The following LRP1B variants were observed in gnomAD, a reference collection of about 807,000 sequenced individuals.
The protein encoded by LRP1B is LDL receptor related protein 1B.
A neutral mutation model predicts 556.6 loss-of-function variants in LRP1B; 217 were observed. The observed-to-expected ratio is 0.39, with a 90% CI of 0.35 to 0.44. The LOEUF (loss-of-function observed/expected upper bound fraction) is 0.44, where lower values mean the gene tolerates loss of function less well. LRP1B is among the 20% of genes least tolerant of loss of function. LRP1B has a pLI of 1.00. For missense variants in LRP1B, 5,053 were observed against 5,620.8 expected (o/e 0.90, Z 3.23); for synonymous variants, 2,047 against 1,865.8 (o/e 1.10, Z -2.50).
At chr2:140,305,345 G>A (rs1370034051) in intron 83 of LRP1B, among the ~76,000 whole-genome samples, 1 of 152,098 alleles carries the variant, frequency 6.6e-6, no homozygotes, top group Non-Finnish European at 1.5e-5. Context: ...GCAGTGGTTT[G>A]TATTTCTCCT....
intron 3 of LRP1B, among the ~76,000 whole-genome samples, chr2:141,450,142 G>A (rs1300726491): frequency 6.6e-6 from 1 of 152,050 alleles, no homozygotes; most frequent in East Asian, 1.9e-4. Flanking sequence ...AGAGAGGGAG[G>A]GAGAAAGAGA....
At chr2:140,960,710 T>C (rs948933692) in intron 18 of LRP1B, among the ~76,000 whole-genome samples, 1 of 151,906 alleles carries the variant, frequency 6.6e-6, no homozygotes, top group African/African-American at 2.4e-5. Flanking sequence ...ACTTTGTCCT[T>C]ATTTGTGAGC....
At chr2:141,938,416 AC>A (rs983719547) in intron 1 of LRP1B, among the ~76,000 whole-genome samples, 1 of 152,164 alleles carries the variant, frequency 6.6e-6, no homozygotes, top group Admixed American at 6.5e-5. Flanking sequence ...GGTTAGGATG[AC>A]CATGATAAAG....
At chr2:141,638,108 G>C (rs781059782) in intron 2 of LRP1B, among the ~76,000 whole-genome samples, 4 of 152,010 alleles carry the variant, frequency 2.6e-5, no homozygotes, top group African/African-American at 9.7e-5. Context: ...CTGAGGTAGA[G>C]GGATCTCCCA....
chr2:140,640,368 C>T (rs1203184822), intron 41 of LRP1B, among the ~76,000 whole-genome samples: 1 of 144,480 alleles, frequency 6.9e-6, no homozygotes, highest in Admixed American at 7.0e-5. Flanking sequence ...ATCCACTATT[C>T]CCTTGTCCTG....
Position 140,684,007 on chromosome 2 carries a change from A to G in LRP1B, c.6799+16243T>C, listed in dbSNP as rs144980438. 125 of 226,894 alleles carry G rather than the reference A, an allele frequency of 5.5e-4. 3 individuals are homozygous for G. Among genetic ancestry groups the G allele is most frequent in the African/African-American group, 2.5e-3 (108 of 43,470 alleles). 14.1% of individuals were successfully genotyped at this position (226,894 alleles called of 1,614,324 possible). On this transcript the variant is annotated intron_variant, in intron 41 of 90. Coordinates refer to ENST00000389484, the MANE Select transcript of LRP1B (RefSeq NM_018557.3). ...TTTTGCACCAACCGAATACATACCA[A>G]TATCAGTCTAAAATGTTGCTACTTT...
At chr2:141,257,365 T>C (rs1684511816) in intron 3 of LRP1B, among the ~76,000 whole-genome samples, 1 of 152,178 alleles carries the variant, frequency 6.6e-6, no homozygotes. Context: ...GAGTCAAATT[T>C]ATTATTTTTC....
intron 32 of LRP1B, among the ~76,000 whole-genome samples, chr2:140,810,216 T>C (rs1257753418): frequency 6.6e-6 from 1 of 152,116 alleles, no homozygotes; most frequent in Non-Finnish European, 1.5e-5. Context: ...TTTTTTAACA[T>C]AGCTTTAGTA....
intron 2 of LRP1B, among the ~76,000 whole-genome samples, chr2:141,527,093 C>A (rs1392076126): frequency 6.6e-6 from 1 of 151,866 alleles, no homozygotes; most frequent in Non-Finnish European, 1.5e-5. Context: ...TATGGGAGGG[C>A]TTTTTATTTC....
At chr2:140,394,767 T>G (rs1016925375) in intron 66 of LRP1B, among the ~76,000 whole-genome samples, 1 of 152,186 alleles carries the variant, frequency 6.6e-6, no homozygotes, top group South Asian at 2.1e-4. Context: ...ATTAGAAGTT[T>G]CTGTCGATAA....
chr2:141,192,297 C>A (rs1681550205), intron 6 of LRP1B, among the ~76,000 whole-genome samples: 1 of 151,730 alleles, frequency 6.6e-6, no homozygotes, highest in African/African-American at 2.4e-5. Flanking sequence ...TTACAGGAAG[C>A]TTTTTTCAAC....
At chr2:140,600,882 T>C (rs1006075591) in intron 42 of LRP1B, among the ~76,000 whole-genome samples, 4 of 151,186 alleles carry the variant, frequency 2.6e-5, no homozygotes, top group African/African-American at 4.9e-5. Context: ...CGGAGCATTT[T>C]CTTTTGTCAT....
At chr2:141,392,826 C>T (rs967603483) in intron 3 of LRP1B, among the ~76,000 whole-genome samples, 15 of 152,096 alleles carry the variant, frequency 9.9e-5, no homozygotes, top group African/African-American at 3.4e-4. Flanking sequence ...TATATGAATG[C>T]CCAGCACTTA....
At chr2:141,007,003 T>C (rs1211639199) in intron 14 of LRP1B, among the ~76,000 whole-genome samples, 3 of 151,966 alleles carry the variant, frequency 2.0e-5, no homozygotes. Flanking sequence ...CAATAGGTAA[T>C]GTAATTGTAG....
intron 3 of LRP1B, among the ~76,000 whole-genome samples, chr2:141,412,730 ATAAT>A (rs1463531155): frequency 1.3e-5 from 2 of 152,190 alleles, no homozygotes; most frequent in Admixed American, 6.5e-5. Context: ...GAAAACAAAA[ATAAT>A]TAAAAAGAGA....
chr2:140,854,472 T>C (rs1692555613), intron 27 of LRP1B, among the ~76,000 whole-genome samples: 1 of 152,186 alleles, frequency 6.6e-6, no homozygotes, highest in Non-Finnish European at 1.5e-5. Flanking sequence ...TTCATTTTCA[T>C]CTCTTCTCAC....
rs565292580 is a variant in LRP1B at position 140,769,265 on chromosome 2, A to G, written c.5706T>C (p.Ala1902=). The change falls in exon 35 of 91, where the codon GCT becomes GCC. Residue 1902 remains alanine, a synonymous_variant. Coordinates refer to ENST00000389484, the MANE Select transcript of LRP1B (RefSeq NM_018557.3). ...ATGAAGTTCCTGATATAGGCATCAA[A>G]GCATCCATTTTGTCACTTGGTTCAA... ...IPLEPSDKMD[A]LMPISGTSFA... is the part of the protein sequence containing the mutation. 1.1e-5 allele frequency: 18 copies of G among 1,612,476 alleles called. No homozygotes were observed. The South Asian group carries it at 2.0e-4, about 18-fold the overall frequency.
chr2:140,280,975 A>G (rs1447832353), intron 84 of LRP1B, among the ~76,000 whole-genome samples: 2 of 151,862 alleles, frequency 1.3e-5, no homozygotes, highest in African/African-American at 4.8e-5. Context: ...TGTAATCTAA[A>G]GGACAATGAT....
At chr2:140,544,838 A>G (rs774022598) in intron 43 of LRP1B, among the ~76,000 whole-genome samples, 7 of 152,168 alleles carry the variant, frequency 4.6e-5, no homozygotes, top group Non-Finnish European at 1.0e-4. Flanking sequence ...GTATATACCC[A>G]GTAATGGGAC....
Sources: gnomAD v4.1 joint callset for allele counts (sites outside exome capture counted in the v4.1 genomes callset) on GRCh38, gnomAD v4.1.1 for gene constraint, MANE v1.5 for transcripts, NCBI Gene and HGNC (gene_info 2026-07-23, HGNC 2026-07-21) for gene names.